BMAL2: variants seen among roughly 807,000 people sequenced by gnomAD.
BMAL2 encodes basic helix-loop-helix ARNT like 2, also known as basic helix-loop-helix ARNT-like protein 2.
the BMAL2 span, among the ~76,000 whole-genome samples, chr12:27,375,925 T>C: frequency 6.6e-6 from 1 of 152,240 alleles, no homozygotes; most frequent in Non-Finnish European, 1.5e-5. Flanking sequence ...TGATTAAAGG[T>C]CTGGGATTCT....
chr12:27,400,617 A>C, the BMAL2 span: 2 of 1,614,000 alleles, frequency 1.2e-6, no homozygotes, highest in Non-Finnish European at 1.7e-6. Flanking sequence ...AGAAGAAAGG[A>C]ACAGTAAGAA....
At chr12:27,418,727 C>A in the BMAL2 span, among the ~76,000 whole-genome samples, 1 of 151,992 alleles carries the variant, frequency 6.6e-6, no homozygotes, top group African/African-American at 2.4e-5. Flanking sequence ...TTCCTGTAAT[C>A]CCAGCACTTT....
the BMAL2 span, among the ~76,000 whole-genome samples, chr12:27,357,739 A>T: frequency 6.6e-6 from 1 of 152,154 alleles, no homozygotes; most frequent in African/African-American, 2.4e-5. Flanking sequence ...CTGATCTTCG[A>T]TAAACAAAAA....
At chr12:27,405,318 C>G in the BMAL2 span, among the ~76,000 whole-genome samples, 1 of 152,192 alleles carries the variant, frequency 6.6e-6, no homozygotes, top group Non-Finnish European at 1.5e-5. Context: ...GGTCCCTGAC[C>G]CCTGAGTAGC....
chr12:27,404,932 C>A, the BMAL2 span, among the ~76,000 whole-genome samples: 1 of 152,196 alleles, frequency 6.6e-6, no homozygotes, highest in Admixed American at 6.5e-5. Context: ...TCTTAGCAAG[C>A]AGCACACCAG....
At chr12:27,357,959 G>A in the BMAL2 span, among the ~76,000 whole-genome samples, 1 of 152,024 alleles carries the variant, frequency 6.6e-6, no homozygotes, top group Non-Finnish European at 1.5e-5. Context: ...TAGGCAAAGA[G>A]TTCAAGACCA....
chr12:27,352,675 A>G, the BMAL2 span, among the ~76,000 whole-genome samples: 5 of 152,248 alleles, frequency 3.3e-5, no homozygotes, highest in African/African-American at 4.8e-5. Context: ...TGACAATGTG[A>G]TTCTCTATCT....
the BMAL2 span, among the ~76,000 whole-genome samples, chr12:27,344,411 G>C: frequency 6.6e-6 from 1 of 152,212 alleles, no homozygotes; most frequent in African/African-American, 2.4e-5. Flanking sequence ...AACCAGAAGA[G>C]CAGAACCAAT....
At chr12:27,373,916 G>T in the BMAL2 span, among the ~76,000 whole-genome samples, 2 of 152,248 alleles carry the variant, frequency 1.3e-5, no homozygotes, top group South Asian at 4.1e-4. Flanking sequence ...AAACACATTT[G>T]TAAAAATTTG....
At chr12:27,343,962 C>A in the BMAL2 span, among the ~76,000 whole-genome samples, 1 of 152,142 alleles carries the variant, frequency 6.6e-6, no homozygotes, top group African/African-American at 2.4e-5. Flanking sequence ...TTCTATAATT[C>A]TCTTTTTGGT....
chr12:27,371,793 G>A, the BMAL2 span, among the ~76,000 whole-genome samples: 12 of 152,002 alleles, frequency 7.9e-5, no homozygotes, highest in Middle Eastern at 3.4e-3. Flanking sequence ...CAATTAATTG[G>A]CATCAATTAC....
chr12:27,383,117 TC>T, the BMAL2 span, among the ~76,000 whole-genome samples: 2 of 152,154 alleles, frequency 1.3e-5, no homozygotes, highest in Admixed American at 6.5e-5. Flanking sequence ...CACGCATGCG[TC>T]CTGAAGGCAG....
At chr12:27,368,915 AC>A in the BMAL2 span, among the ~76,000 whole-genome samples, 3 of 152,148 alleles carry the variant, frequency 2.0e-5, no homozygotes, top group Admixed American at 1.3e-4. Flanking sequence ...TATTTTTGTT[AC>A]CCCTGCAGCT....
chr12:27,420,019 G>GCGCACGCA, the BMAL2 span, among the ~76,000 whole-genome samples: 2,088 of 147,572 alleles, frequency 0.014, 17 homozygotes, highest in Non-Finnish European at 0.023. Flanking sequence ...GTTTGCGCGT[G>GCGCACGCA]CACACACACA....
the BMAL2 span, among the ~76,000 whole-genome samples, chr12:27,375,291 A>T: frequency 6.6e-6 from 1 of 152,218 alleles, no homozygotes; most frequent in Non-Finnish European, 1.5e-5. Context: ...TATTTATGAT[A>T]TTGAAAATAT....
chr12:27,388,103 GCA>G, the BMAL2 span, among the ~76,000 whole-genome samples: 845 of 147,684 alleles, frequency 5.7e-3, 5 homozygotes, highest in Middle Eastern at 0.029. Flanking sequence ...ACACATGCAC[GCA>G]CACACACACA....
the BMAL2 span, among the ~76,000 whole-genome samples, chr12:27,385,273 G>A: frequency 6.6e-6 from 1 of 151,780 alleles, no homozygotes; most frequent in Non-Finnish European, 1.5e-5. Context: ...GAGATTGCGC[G>A]ACCGCACTCC....
chr12:27,353,767 A>C, the BMAL2 span, among the ~76,000 whole-genome samples: 12 of 152,368 alleles, frequency 7.9e-5, no homozygotes, highest in African/African-American at 2.9e-4. Flanking sequence ...AAGGGCATAA[A>C]CAGACACTTC....
the BMAL2 span, among the ~76,000 whole-genome samples, chr12:27,419,004 G>C: frequency 6.0e-5 from 9 of 150,514 alleles, no homozygotes; most frequent in Non-Finnish European, 1.3e-4. Flanking sequence ...GTTACTTAAT[G>C]GTTCTGTCAT....
Sources: gnomAD v4.1 joint callset for allele counts (sites outside exome capture counted in the v4.1 genomes callset) on GRCh38, gnomAD v4.1.1 for gene constraint, MANE v1.5 for transcripts, NCBI Gene and HGNC (gene_info 2026-07-23, HGNC 2026-07-21) for gene names.